PEG3: variants seen among roughly 807,000 people sequenced by gnomAD.
PEG3 encodes paternally expressed 3.
Under a neutral mutation model 35.5 loss-of-function variants are expected in PEG3, and 23 were observed. That is an observed-to-expected ratio of 0.65 (90% confidence interval 0.47 to 0.92). The LOEUF is 0.92. Ranked by LOEUF, PEG3 falls within the 40% of genes least tolerant of loss-of-function variation. The pLI, the probability that PEG3 is intolerant of heterozygous loss-of-function variation, is 0.00. For synonymous variants in PEG3, 707 were observed against 697.0 expected, an observed-to-expected ratio of 1.01 and a Z score of -0.23; for missense variants, 1,960 against 1,985.3, an observed-to-expected ratio of 0.99 and a Z score of 0.24.
intron 6 of PEG3, chr19:56,822,435 T>C (rs1203803979): frequency 3.3e-6 from 1 of 303,166 alleles, no homozygotes; most frequent in African/African-American, 2.2e-5. Flanking sequence ...CTTCTGCCTA[T>C]GGCACTTCAT....
Position 56,812,819 on chromosome 19 carries a change from A to T in PEG3, c.*856T>A, listed in dbSNP as rs1237515690. On this transcript the variant is annotated 3_prime_UTR_variant, in exon 10 of 10. Coordinates refer to ENST00000326441, the MANE Select transcript of PEG3 (RefSeq NM_006210.3). ...TCATCAAACACATATTGAGTTGGTT[A>T]AAAAAAAAAAAAACCCAGAACACAA... The T allele has an allele frequency of 1.1e-5, 5 of 439,006 alleles. No individual in the cohort carries two copies. The highest frequency in any genetic ancestry group is 1.3e-5 in the Non-Finnish European group (5 of 397,230). The allele number at this position is 439,006 out of a possible 1,614,324, so 27.2% of individuals were successfully genotyped here. A position where few individuals can be genotyped will look rare whatever the true frequency, so the allele number is the denominator to read the frequency against.
In PEG3 at chr19:56,815,970, G is replaced by A; in HGVS notation, c.2472C>T (p.Thr824=). The stretch of plus-strand genomic sequence containing the variant: ...ACCTACTGTATTCCCTTCCTTCAGA[G>A]GTGTTCCCTCCAGCACGAACTCTCT... ...NHQRVRAGGN[T]SEGREYSRSV... is the part of the protein sequence containing the mutation. The change falls in exon 10 of 10, where the codon ACC becomes ACT. Residue 824 remains threonine (T), a synonymous_variant. Coordinates refer to ENST00000326441, the MANE Select transcript of PEG3 (RefSeq NM_006210.3). 2 of 1,588,482 alleles carry A rather than the reference G, an allele frequency of 1.3e-6. No homozygotes were observed. The highest frequency in any genetic ancestry group is 1.7e-4 in the Middle Eastern group (1 of 5,894).
chr19:56,811,151 A>T lies in PEG3; in HGVS notation c.*2524T>A. The T allele has an allele frequency of 1.0e-6, 1 of 980,620 alleles. No individual in the cohort carries two copies. Among genetic ancestry groups the T allele is most frequent in the Non-Finnish European group, 1.2e-6 (1 of 825,530 alleles). 60.7% of individuals were successfully genotyped at this position (980,620 alleles called of 1,614,324 possible). ...TTCCAAGTGTGTGATAATGAGTTCA[A>T]ATTATGTTCACAATGAAAATGTGAT... On this transcript the variant is annotated 3_prime_UTR_variant, in exon 10 of 10. Coordinates refer to ENST00000326441, the MANE Select transcript of PEG3 (RefSeq NM_006210.3).
chr19:56,828,576 G>A (rs2061280075), intron 2 of PEG3, among the ~76,000 whole-genome samples: 1 of 152,070 alleles, frequency 6.6e-6, no homozygotes, highest in Non-Finnish European at 1.5e-5. Context: ...GTGGGAGACA[G>A]GAAAATAAAG....
In PEG3 at chr19:56,817,226, C is replaced by G. The variant is rs553693488; in HGVS notation, c.1216G>C (p.Asp406His). ...TTCTTCCTGGGACAGCCTTTTTGAT[C>G]GTGAATCGAGCCCTTCCCATCTGTG... ...FDTDGKGSIH[D>H]QKGCPRKKPF... The change falls in exon 10 of 10, where the codon GAT becomes CAT. Residue 406 changes from aspartate (D) to histidine (H), a missense_variant. By Grantham distance (81) the Asp-to-His change is moderately conservative (BLOSUM62 -1). Around this residue, in one of 5 missense-constraint regions of PEG3, gnomAD observed 613 missense variants for 577.1 expected, o/e 1.06. Transcript: ENST00000326441. The G allele has an allele frequency of 1.2e-6, 2 of 1,614,088 alleles. No individual in the cohort carries two copies. The highest frequency in any genetic ancestry group is 2.7e-5 in the African/African-American group (2 of 75,032).
At chr19:56,835,872 A>G (rs2146635489) in intron 2 of PEG3, 146 bp downstream of exon 2, 1 of 345,566 alleles carries the variant, frequency 2.9e-6, no homozygotes, top group South Asian at 2.3e-5. Flanking sequence ...ACAATCCACC[A>G]GAAGAGTCTG....
chr19:56,810,717 T>C lies in PEG3; in HGVS notation c.*2958A>G, dbSNP rs2146068190. The stretch of plus-strand genomic sequence containing the variant: ...TTCCACATCTTTTCATTTAAGACTT[T>C]ATGCACACATATTTAACACTGTTAT... On this transcript the variant is annotated 3_prime_UTR_variant, in exon 10 of 10. Coordinates refer to ENST00000326441, the MANE Select transcript of PEG3 (RefSeq NM_006210.3). 2.0e-6 allele frequency: 2 copies of C among 984,052 alleles called. No homozygotes were observed. Among genetic ancestry groups the C allele is most frequent in the Non-Finnish European group, 2.4e-6 (2 of 828,664 alleles). 61.0% of individuals were successfully genotyped at this position (984,052 alleles called of 1,614,324 possible). A position where few individuals can be genotyped will look rare whatever the true frequency, so the allele number is the denominator to read the frequency against.
At position 56,810,263 on chromosome 19, in the gene PEG3, G is replaced by C. The variant is rs2048031624; in HGVS notation, c.*3412C>G. On this transcript the variant is annotated 3_prime_UTR_variant, in exon 10 of 10. Coordinates refer to ENST00000326441, the MANE Select transcript of PEG3 (RefSeq NM_006210.3). Reference sequence around the variant, plus strand: ...TCTTCTACATTTCTGTAACTTCAAAGTTTCTATAATGAACACATTTCATAT... The same window carrying C: ...TCTTCTACATTTCTGTAACTTCAAACTTTCTATAATGAACACATTTCATAT... 1.0e-6 allele frequency: 1 copy of C among 982,974 alleles called. No homozygotes were observed. The highest frequency in any genetic ancestry group is 4.7e-5 in the South Asian group (1 of 21,242). 60.9% of individuals were successfully genotyped at this position (982,974 alleles called of 1,614,324 possible).
At position 56,816,726 on chromosome 19, in the gene PEG3, G is replaced by T; in HGVS notation, c.1716C>A (p.Phe572Leu). The change falls in exon 10 of 10, where the codon TTC (phenylalanine) becomes TTA (leucine). Residue 572 changes from phenylalanine to leucine, a missense_variant. Physicochemically the swap from Phe to Leu is conservative, Grantham distance 22. Transcript: ENST00000326441. ...FYECRVCKET[F>L]LHSSALIEHQ... ...GCTCAATCAGGGCAGAACTATGAAG[G>T]AAGGTTTCCTTACACACCCTGCACT... 6.2e-7 allele frequency: 1 copy of T among 1,614,112 alleles called. No individual in the cohort carries two copies. The highest frequency in any genetic ancestry group is 8.5e-7 in the Non-Finnish European group (1 of 1,180,030).
In PEG3 at chr19:56,813,714, G is replaced by A. The variant is rs754724117; in HGVS notation, c.4728C>T (p.Arg1576=). The part of the protein sequence containing the change: ...CDVCGQLFND[R]LSLARHQNTH... ...TATTCTGGTGTCTGGCGAGGGACAG[G>A]CGGTCATTGAAGAGCTGCCCACAGA... Residue 1576 remains arginine (R), a synonymous_variant, in exon 10 of 10, where the codon CGC becomes CGT. Transcript: ENST00000326441. 7.3e-5 allele frequency: 118 copies of A among 1,614,062 alleles called. No individual in the cohort carries two copies. The East Asian group carries it at 2.6e-3, about 36-fold the overall frequency.
chr19:56,825,206 C>T (rs2060902358), intron 3 of PEG3, among the ~76,000 whole-genome samples: 1 of 152,192 alleles, frequency 6.6e-6, no homozygotes, highest in African/African-American at 2.4e-5. Context: ...GGAGTTGGGG[C>T]AAATCCTCCC....
chr19:56,830,243 C>T (rs2061449396), intron 2 of PEG3, among the ~76,000 whole-genome samples: 1 of 152,080 alleles, frequency 6.6e-6, no homozygotes, highest in Admixed American at 6.5e-5. Context: ...ATTTAATAAA[C>T]CCAAACTAAC....
In PEG3 at chr19:56,822,818, C is replaced by T. The variant is rs765191861; in HGVS notation, c.500G>A (p.Arg167Gln). ...VHSFSDRDWD[R>Q]RGRSRDMEPR... ...CTCCATGTCTCTGCTTCTGCCCCTC[C>T]GGTCCCAGTCCCGGTCACCTAAGCA... is the stretch of plus-strand genomic sequence containing the variant. Residue 167 changes from arginine (R) to glutamine (Q), a missense_variant, in exon 6 of 10, where the codon CGG (arginine) becomes CAG (glutamine). By Grantham distance (43) the Arg-to-Gln change is conservative (BLOSUM62 1). This residue lies in a region of PEG3 where 613 missense variants were observed against 577.1 expected (regional missense o/e 1.06). Transcript: ENST00000326441. The T allele has an allele frequency of 2.0e-5, 33 of 1,613,820 alleles. No homozygotes were observed. The highest frequency in any genetic ancestry group is 1.6e-4 in the Middle Eastern group (1 of 6,084).
intron 1 of PEG3, 142 bp from the exon 2 acceptor site, chr19:56,836,246 A>G (rs762485912): frequency 2.8e-6 from 1 of 360,056 alleles, no homozygotes; most frequent in African/African-American, 2.1e-5. Context: ...CATCCCATCC[A>G]GGATGAATGG....
In PEG3 at chr19:56,814,463, C is replaced by T. The variant is rs1410989427; in HGVS notation, c.3979G>A (p.Gly1327Arg). ...HTSFLTEPLK[G>R]AIPFYECKDC... ...TTGCATTCATAGAATGGTATAGCTC[C>T]TTTGAGGGGCTCAGTAAGAAATGAG... is the stretch of plus-strand genomic sequence containing the variant. The change falls in exon 10 of 10, where the codon GGA becomes AGA. Residue 1327 changes from glycine (G) to arginine (R), a missense_variant. By Grantham distance (125) the Gly-to-Arg change is moderately radical (BLOSUM62 -2). Transcript: ENST00000326441. This position sits in a 1 kb window ranked among gnomAD's most constrained non-coding sequence, Gnocchi z 5.8. The T allele has an allele frequency of 1.2e-6, 2 of 1,613,882 alleles. No individual in the cohort carries two copies. Among genetic ancestry groups the T allele is most frequent in the East Asian group, 2.2e-5 (1 of 44,880 alleles).
At position 56,814,691 on chromosome 19, in the gene PEG3, C is replaced by T; in HGVS notation, c.3751G>A (p.Asp1251Asn). 6.2e-7 allele frequency: 1 copy of T among 1,614,008 alleles called. No homozygotes were observed. The highest frequency in any genetic ancestry group is 1.3e-5 in the African/African-American group (1 of 75,050). ...GCCATCTGGCTCTGCTCCAGTAAAT[C>T]ATCTTCCCTATGAAGTCTCATATGC... is the stretch of plus-strand genomic sequence containing the variant. ...NEHMRLHREDDLLEQSQMAEE... is the reference protein window; with the variant it reads ...NEHMRLHREDNLLEQSQMAEE... Residue 1251 changes from aspartate (D) to asparagine (N), a missense_variant, in exon 10 of 10, where the codon GAT becomes AAT. This residue lies in a region of PEG3 where 416 missense variants were observed against 416.7 expected (regional missense o/e 1.00). Transcript: ENST00000326441. This position sits in a 1 kb window ranked among gnomAD's most constrained non-coding sequence, Gnocchi z 5.8.
rs200013268 is a variant in PEG3 at position 56,815,416 on chromosome 19, C to G, written c.3026G>C (p.Ser1009Thr). ...SRNYEWSVIRSLAPTDPQTSY... is the reference protein window; with the variant it reads ...SRNYEWSVIRTLAPTDPQTSY... ...TGTTTGAGGGTCAGTAGGGGCCAAG[C>G]TGCGAATGACAGACCATTCATAGTT... is the stretch of plus-strand genomic sequence containing the variant. The change falls in exon 10 of 10, where the codon AGC becomes ACC. Residue 1009 changes from serine (S) to threonine (T), a missense_variant. Physicochemically the swap from Ser to Thr is moderately conservative, Grantham distance 58. Transcript: ENST00000326441. 6.2e-7 allele frequency: 1 copy of G among 1,614,076 alleles called. No homozygotes were observed. Among genetic ancestry groups the G allele is most frequent in the East Asian group, 2.2e-5 (1 of 44,870 alleles).
In PEG3 at chr19:56,813,264, A is replaced by C. The variant is rs144170438; in HGVS notation, c.*411T>G. On this transcript the variant is annotated 3_prime_UTR_variant, in exon 10 of 10. Transcript: ENST00000326441. ...CCTCTGCAGAGTAAACTGTAACTGT[A>C]TATCATATAAATCCAAATATATGTG... The C allele has an allele frequency of 2.1e-6, 2 of 965,020 alleles. No individual in the cohort carries two copies. The highest frequency in any genetic ancestry group is 9.4e-5 in the South Asian group (2 of 21,168). The allele number at this position is 965,020 out of a possible 1,614,324, so 59.8% of individuals were successfully genotyped here. A position where few individuals can be genotyped will look rare whatever the true frequency, so the allele number is the denominator to read the frequency against.
intron 8 of PEG3, among the ~76,000 whole-genome samples, chr19:56,818,109 T>C (rs2060146619): frequency 1.3e-5 from 2 of 152,246 alleles, no homozygotes; most frequent in Non-Finnish European, 2.9e-5. Context: ...AGTCTTCACC[T>C]TCTTGTAACC....
Sources: allele counts gnomAD v4.1 joint callset (sites outside exome capture counted in the v4.1 genomes callset), GRCh38; gene constraint gnomAD v4.1.1; regional missense constraint gnomAD v4.1.1; non-coding constraint Gnocchi (gnomAD v3.1); transcripts MANE v1.5; gene names NCBI Gene and HGNC (gene_info 2026-07-23, HGNC 2026-07-21).